HS3ST5: variants seen among roughly 807,000 people sequenced by gnomAD.
The protein encoded by HS3ST5 is heparan sulfate-glucosamine 3-sulfotransferase 5, also known as heparan sulfate glucosamine 3-O-sulfotransferase 5.
A neutral mutation model predicts 25.4 loss-of-function variants in HS3ST5; 10 were observed. The observed-to-expected ratio is 0.39, with a 90% CI of 0.24 to 0.67. The LOEUF is 0.67. Ranked by LOEUF, HS3ST5 falls within the 30% of genes least tolerant of loss-of-function variation. The pLI, the probability that HS3ST5 is intolerant of heterozygous loss-of-function variation, is 0.44. For missense variants in HS3ST5, 324 were observed against 420.7 expected, an observed-to-expected ratio of 0.77 and a Z score of 2.01; for synonymous variants, 170 against 162.4, an observed-to-expected ratio of 1.05 and a Z score of -0.36.
At chr6:114,247,314 A>G (rs1444537062) in intron 1 of HS3ST5, among the ~76,000 whole-genome samples, 1 of 152,210 alleles carries the variant, frequency 6.6e-6, no homozygotes, top group East Asian at 1.9e-4. Flanking sequence ...CACTCAAGCA[A>G]TGAAAGAGTT....
At chr6:114,124,545 A>G (rs565353484) in intron 3 of HS3ST5, among the ~76,000 whole-genome samples, 2 of 151,410 alleles carry the variant, frequency 1.3e-5, no homozygotes, top group East Asian at 3.9e-4. Flanking sequence ...AGGTGAATAC[A>G]TTTTGGAAAT....
intron 3 of HS3ST5, among the ~76,000 whole-genome samples, chr6:114,152,164 G>A (rs1387216846): frequency 4.6e-5 from 7 of 152,100 alleles, no homozygotes; most frequent in African/African-American, 7.2e-5. Flanking sequence ...CCTCGTGATC[G>A]ACGCACTTCG....
intron 1 of HS3ST5, among the ~76,000 whole-genome samples, chr6:114,279,724 A>G (rs755952901): frequency 3.3e-4 from 50 of 151,988 alleles, no homozygotes; most frequent in Non-Finnish European, 6.2e-4. Flanking sequence ...GATATAGGAC[A>G]TGTCTCTTGC....
chr6:114,228,459 A>G (rs565885861), intron 2 of HS3ST5, 126 bp downstream of exon 2: 1 of 152,248 alleles, frequency 6.6e-6, no homozygotes, highest in African/African-American at 2.4e-5. Context: ...CTACACATAC[A>G]TGGATAGTTT....
intron 1 of HS3ST5, among the ~76,000 whole-genome samples, chr6:114,234,248 A>G (rs958458723): frequency 6.6e-6 from 1 of 151,794 alleles, no homozygotes; most frequent in African/African-American, 2.4e-5. Flanking sequence ...CCTGTTATTC[A>G]GTTATAAATA....
chr6:114,203,689 A>C (rs914560084), intron 2 of HS3ST5, among the ~76,000 whole-genome samples: 1 of 152,192 alleles, frequency 6.6e-6, no homozygotes, highest in Non-Finnish European at 1.5e-5. Flanking sequence ...ACACAAAGAC[A>C]GTTTAAACAC....
At chr6:114,289,751 A>T (rs1427632868) in intron 1 of HS3ST5, among the ~76,000 whole-genome samples, 2 of 152,186 alleles carry the variant, frequency 1.3e-5, no homozygotes, top group African/African-American at 2.4e-5. Context: ...TACAAAGCTC[A>T]TACTTCATAA....
At chr6:114,214,323 A>G (rs1286139385) in intron 2 of HS3ST5, among the ~76,000 whole-genome samples, 1 of 152,132 alleles carries the variant, frequency 6.6e-6, no homozygotes, top group Non-Finnish European at 1.5e-5. Context: ...TTTTCCAGCA[A>G]CGTACTTTTT....
chr6:114,076,414 T>A (rs950298873), intron 3 of HS3ST5, among the ~76,000 whole-genome samples: 1 of 152,236 alleles, frequency 6.6e-6, no homozygotes, highest in African/African-American at 2.4e-5. Flanking sequence ...GGGAAATTTA[T>A]GCCTGAGGTA....
intron 2 of HS3ST5, among the ~76,000 whole-genome samples, chr6:114,188,078 T>C (rs986619140): frequency 6.6e-6 from 1 of 152,206 alleles, no homozygotes; most frequent in Non-Finnish European, 1.5e-5. Flanking sequence ...TTCATGTGAC[T>C]CACTTTATCA....
At chr6:114,224,021 A>C (rs567381948) in intron 2 of HS3ST5, among the ~76,000 whole-genome samples, 2 of 151,752 alleles carry the variant, frequency 1.3e-5, no homozygotes, top group South Asian at 4.1e-4. Flanking sequence ...TATTATACCC[A>C]TCAGCATTTA....
At chr6:114,261,375 G>A (rs906169605) in intron 1 of HS3ST5, among the ~76,000 whole-genome samples, 5 of 152,312 alleles carry the variant, frequency 3.3e-5, no homozygotes, top group African/African-American at 1.2e-4. Flanking sequence ...CTGGGCAAGA[G>A]ACTAAGAATC....
At chr6:114,188,560 C>T (rs1780342594) in intron 2 of HS3ST5, among the ~76,000 whole-genome samples, 1 of 152,000 alleles carries the variant, frequency 6.6e-6, no homozygotes, top group African/African-American at 2.4e-5. Flanking sequence ...TTTTCAGCTC[C>T]CCAGAAGCAA....
chr6:114,261,222 T>C (rs1018158085), intron 1 of HS3ST5, among the ~76,000 whole-genome samples: 14 of 152,164 alleles, frequency 9.2e-5, no homozygotes, highest in African/African-American at 2.9e-4. Flanking sequence ...GGCTGTTCTT[T>C]AGAATGGGAA....
chr6:114,154,371 A>G (rs901099912), intron 3 of HS3ST5, among the ~76,000 whole-genome samples: 1 of 152,084 alleles, frequency 6.6e-6, no homozygotes, highest in Non-Finnish European at 1.5e-5. Context: ...TAAAATTTGG[A>G]TTGAGACTGA....
chr6:114,223,956 T>C (rs1325234272), intron 2 of HS3ST5, among the ~76,000 whole-genome samples: 1 of 151,698 alleles, frequency 6.6e-6, no homozygotes, highest in African/African-American at 2.4e-5. Context: ...CTGAACAAAC[T>C]TCTATGGTAG....
At chr6:114,173,556 T>G (rs1260391479) in intron 2 of HS3ST5, among the ~76,000 whole-genome samples, 2 of 152,142 alleles carry the variant, frequency 1.3e-5, no homozygotes, top group African/African-American at 4.8e-5. Context: ...TACTAAATTG[T>G]AAATTTCAAA....
chr6:114,317,822 C>T (rs1021351448), intron 1 of HS3ST5, among the ~76,000 whole-genome samples: 10 of 120,646 alleles, frequency 8.3e-5, no homozygotes, highest in African/African-American at 1.9e-4. Context: ...GGCTGGAGGG[C>T]GGGAAAAAGT....
chr6:114,061,957 T>A (rs1034853698), intron 4 of HS3ST5, among the ~76,000 whole-genome samples: 10 of 151,222 alleles, frequency 6.6e-5, no homozygotes, highest in African/African-American at 1.5e-4. Flanking sequence ...AAAAAAAAAA[T>A]TTTTTTTTAA....
Sources: allele counts gnomAD v4.1 joint callset (sites outside exome capture counted in the v4.1 genomes callset), GRCh38; gene constraint gnomAD v4.1.1; transcripts MANE v1.5; gene names NCBI Gene and HGNC (gene_info 2026-07-23, HGNC 2026-07-21).